The following PPARGC1A variants were observed in gnomAD, a reference collection of about 807,000 sequenced individuals.
PPARGC1A encodes the protein PPARG coactivator 1 alpha.
A neutral mutation model predicts 88.7 loss-of-function variants in PPARGC1A; 25 were observed. The observed-to-expected ratio is 0.28, with a 90% CI of 0.21 to 0.39. The LOEUF (loss-of-function observed/expected upper bound fraction) is 0.39, where lower values mean the gene tolerates loss of function less well. PPARGC1A is among the 10% of genes least tolerant of loss of function. The pLI is 1.00. For synonymous variants in PPARGC1A, 363 were observed against 355.6 expected, an observed-to-expected ratio of 1.02 and a Z score of -0.24; for missense variants, 880 against 968.7, an observed-to-expected ratio of 0.91 and a Z score of 1.22.
At chr4:24,340,314 A>C in the PPARGC1A span, among the ~76,000 whole-genome samples, 1 of 152,216 alleles carries the variant, frequency 6.6e-6, no homozygotes, top group African/African-American at 2.4e-5. Context: ...AAATGGCATA[A>C]ATAAACTGAC....
chr4:24,255,361 C>T, the PPARGC1A span, among the ~76,000 whole-genome samples: 3 of 152,272 alleles, frequency 2.0e-5, no homozygotes, highest in Admixed American at 6.5e-5. Flanking sequence ...CAAAATTAAA[C>T]ATTCCATACA....
the PPARGC1A span, among the ~76,000 whole-genome samples, chr4:24,388,327 C>A: frequency 6.6e-6 from 1 of 152,118 alleles, no homozygotes; most frequent in Non-Finnish European, 1.5e-5. Flanking sequence ...ACAACAGATG[C>A]TGGAGAGGAT....
chr4:23,986,324 C>A, the PPARGC1A span, among the ~76,000 whole-genome samples: 4 of 152,052 alleles, frequency 2.6e-5, no homozygotes, highest in African/African-American at 7.2e-5. Context: ...TGGTTCGTGG[C>A]ATTCTTCATC....
At position 23,813,895 on chromosome 4, in the gene PPARGC1A, A is replaced by T; in HGVS notation, c.1588T>A (p.Ser530Thr). The T allele has an allele frequency of 6.2e-7, 1 of 1,613,978 alleles. No individual in the cohort carries two copies. The highest frequency in any genetic ancestry group is 8.5e-7 in the Non-Finnish European group (1 of 1,179,900). ...GGAGACACATTGAACAATGAATAGGATTGCGTGCCATCCCAAGGGTAGCTC... is the reference window on the plus strand; with the variant it reads ...GGAGACACATTGAACAATGAATAGGTTTGCGTGCCATCCCAAGGGTAGCTC... ...KLSYPWDGTQ[S>T]YSLFNVSPSC... Residue 530 changes from serine (S) to threonine (T), a missense_variant, in exon 8 of 13, where the codon TCC becomes ACC. By Grantham distance (58) the Ser-to-Thr change is moderately conservative (BLOSUM62 1). Transcript: ENST00000264867.
At chr4:23,916,851 A>G in the PPARGC1A span, among the ~76,000 whole-genome samples, 5 of 152,332 alleles carry the variant, frequency 3.3e-5, no homozygotes, top group East Asian at 9.6e-4. Context: ...TATTTCTTTA[A>G]CCGGCTGGAA....
At chr4:24,038,826 A>G in the PPARGC1A span, among the ~76,000 whole-genome samples, 1 of 152,190 alleles carries the variant, frequency 6.6e-6, no homozygotes, top group Non-Finnish European at 1.5e-5. Flanking sequence ...TGAGATGGGC[A>G]TTCAGAATCC....
chr4:24,066,600 G>C, the PPARGC1A span, among the ~76,000 whole-genome samples: 3 of 152,292 alleles, frequency 2.0e-5, no homozygotes, highest in African/African-American at 7.2e-5. Context: ...ACCCATTAGA[G>C]CTAATGGGAG....
intron 7 of PPARGC1A, among the ~76,000 whole-genome samples, chr4:23,819,051 G>T (rs1336227149): frequency 6.6e-6 from 1 of 152,014 alleles, no homozygotes; most frequent in East Asian, 1.9e-4. Context: ...AAAGAGAGGT[G>T]TGTGACTTGT....
the PPARGC1A span, among the ~76,000 whole-genome samples, chr4:24,169,601 G>T: frequency 6.6e-6 from 1 of 152,086 alleles, no homozygotes; most frequent in Non-Finnish European, 1.5e-5. Context: ...CAAGCATGTT[G>T]GCTCACATCT....
chr4:24,094,023 G>C, the PPARGC1A span, among the ~76,000 whole-genome samples: 1 of 152,198 alleles, frequency 6.6e-6, no homozygotes, highest in Non-Finnish European at 1.5e-5. Context: ...AAATGTAAGA[G>C]GGTGGGTATT....
chr4:24,238,252 A>G, the PPARGC1A span, among the ~76,000 whole-genome samples: 1 of 152,194 alleles, frequency 6.6e-6, no homozygotes, highest in South Asian at 2.1e-4. Context: ...CTGCCTTTAT[A>G]CTTAGTTATT....
rs1560380344 is a variant in PPARGC1A, at chr4:23,824,527, A to T, written c.758-19T>A. The T allele has an allele frequency of 6.4e-7, 1 of 1,570,604 alleles. No individual in the cohort carries two copies. Among genetic ancestry groups the T allele is most frequent in the Non-Finnish European group, 8.7e-7 (1 of 1,151,340 alleles). On this transcript the variant is annotated intron_variant, in intron 5 of 12. Coordinates refer to ENST00000264867, the MANE Select transcript of PPARGC1A (RefSeq NM_013261.5). ...GGTTTGGCTAAAGAAAAAAAAAAGA[A>T]ACTAATTATGTAATATTGAGTGTCT...
chr4:24,215,400 A>C, the PPARGC1A span, among the ~76,000 whole-genome samples: 4 of 152,234 alleles, frequency 2.6e-5, no homozygotes, highest in Non-Finnish European at 4.4e-5. Flanking sequence ...TGGCCTCATT[A>C]AATTACTGTT....
the PPARGC1A span, among the ~76,000 whole-genome samples, chr4:24,213,717 G>A: frequency 6.6e-6 from 1 of 152,214 alleles, no homozygotes; most frequent in South Asian, 2.1e-4. Flanking sequence ...ATGTGTGTGT[G>A]CATGTGTTTG....
At chr4:24,246,537 C>T in the PPARGC1A span, among the ~76,000 whole-genome samples, 8 of 152,218 alleles carry the variant, frequency 5.3e-5, no homozygotes, top group Non-Finnish European at 1.2e-4. Context: ...ATCGCTTAAG[C>T]CTGGAAGGTT....
the PPARGC1A span, among the ~76,000 whole-genome samples, chr4:24,444,811 G>A: frequency 3.3e-5 from 5 of 152,174 alleles, no homozygotes; most frequent in Non-Finnish European, 7.3e-5. Flanking sequence ...TGTAATCTCA[G>A]CAATTTGGGA....
the PPARGC1A span, among the ~76,000 whole-genome samples, chr4:24,397,071 CAT>C: frequency 5.3e-5 from 8 of 152,160 alleles, no homozygotes; most frequent in African/African-American, 7.2e-5. Context: ...ACTCCATGCA[CAT>C]GAGACGTGAA....
chr4:23,948,973 C>A, the PPARGC1A span, among the ~76,000 whole-genome samples: 1 of 152,146 alleles, frequency 6.6e-6, no homozygotes, highest in Non-Finnish European at 1.5e-5. Context: ...AGAATCATAA[C>A]TGGATGTAGA....
chr4:23,817,528 G>T (rs1437667652), intron 7 of PPARGC1A, among the ~76,000 whole-genome samples: 1 of 152,132 alleles, frequency 6.6e-6, no homozygotes, highest in Admixed American at 6.6e-5. Flanking sequence ...ATATTTTTCT[G>T]CATATACACT....
Sources: allele counts gnomAD v4.1 joint callset (sites outside exome capture counted in the v4.1 genomes callset), GRCh38; gene constraint gnomAD v4.1.1; transcripts MANE v1.5; gene names NCBI Gene and HGNC (gene_info 2026-07-23, HGNC 2026-07-21).